CADPS2: variants seen among roughly 807,000 people sequenced by gnomAD.
CADPS2 encodes the protein calcium-dependent secretion activator 2.
In CADPS2, 93 loss-of-function variants were observed where a neutral mutation model predicts 172.5. The ratio of observed to expected loss-of-function variants is 0.54; its 90% CI spans 0.46 to 0.64. The LOEUF (loss-of-function observed/expected upper bound fraction) is 0.64. Among genes scored for constraint, CADPS2 ranks in the 30% least tolerant of loss-of-function variants. The pLI is 0.00. For synonymous variants in CADPS2, 546 were observed against 555.2 expected, an observed-to-expected ratio of 0.98 and a Z score of 0.23; for missense variants, 1,420 against 1,565.9, an observed-to-expected ratio of 0.91 and a Z score of 1.57.
chr7:122,523,022 G>A (rs984615257), intron 8 of CADPS2, among the ~76,000 whole-genome samples: 1 of 152,060 alleles, frequency 6.6e-6, no homozygotes, highest in Non-Finnish European at 1.5e-5. Context: ...ACAATGCTAC[G>A]ATAAACATGG....
intron 8 of CADPS2, among the ~76,000 whole-genome samples, chr7:122,534,249 A>T (rs1043435683): frequency 6.6e-6 from 1 of 152,076 alleles, no homozygotes; most frequent in Non-Finnish European, 1.5e-5. Context: ...TCTTACATTT[A>T]AACAATCAAA....
At chr7:122,823,701 CAG>C (rs1325727421) in intron 1 of CADPS2, among the ~76,000 whole-genome samples, 6 of 152,128 alleles carry the variant, frequency 3.9e-5, no homozygotes, top group African/African-American at 1.2e-4. Context: ...TTGCAAGTAA[CAG>C]AGACTTCACT....
chr7:122,627,829 C>G lies in CADPS2; in HGVS notation c.867+1419G>C, dbSNP rs2076224723. Reference sequence around the variant, plus strand: ...AGGTCTCAGAAAAGCAATTTCTTTTCCAGCCAGGCTCAATACAGGATAGGA... The same window carrying G: ...AGGTCTCAGAAAAGCAATTTCTTTTGCAGCCAGGCTCAATACAGGATAGGA... On this transcript the variant is annotated intron_variant, in intron 4 of 29. Coordinates refer to ENST00000449022, the MANE Select transcript of CADPS2 (RefSeq NM_017954.11). Among the ~76,000 whole-genome samples, 4 of 152,136 alleles carry G rather than the reference C, an allele frequency of 2.6e-5. No homozygotes were observed. In the South Asian group the frequency reaches 8.3e-4, roughly 31 times the overall value.
At chr7:122,331,714 A>G (rs2034985741) in intron 28 of CADPS2, among the ~76,000 whole-genome samples, 1 of 152,228 alleles carries the variant, frequency 6.6e-6, no homozygotes, top group Admixed American at 6.5e-5. Flanking sequence ...AGTGGGTGTA[A>G]TTATTCCCAT....
chr7:122,489,561 A>C (rs1252183101), intron 11 of CADPS2, among the ~76,000 whole-genome samples: 1 of 152,152 alleles, frequency 6.6e-6, no homozygotes, highest in Non-Finnish European at 1.5e-5. Context: ...GTAGCATTCA[A>C]AAAGTGACAT....
At chr7:122,732,320 A>G in intron 2 of CADPS2, among the ~76,000 whole-genome samples, 1 of 151,660 alleles carries the variant, frequency 6.6e-6, no homozygotes, top group African/African-American at 2.4e-5. Flanking sequence ...AACCACTATA[A>G]GAACAGACAG....
At chr7:122,842,301 G>A (rs1358916471) in intron 1 of CADPS2, among the ~76,000 whole-genome samples, 2 of 152,166 alleles carry the variant, frequency 1.3e-5, no homozygotes, top group African/African-American at 4.8e-5. Flanking sequence ...GGAGGAGGGT[G>A]GAAAATGGGT....
intron 1 of CADPS2, among the ~76,000 whole-genome samples, chr7:122,767,029 TA>T (rs1405568246): frequency 6.6e-6 from 1 of 152,162 alleles, no homozygotes; most frequent in Non-Finnish European, 1.5e-5. Flanking sequence ...ATTAAATACT[TA>T]ATACAAAAAT....
chr7:122,580,740 G>A (rs1047236163), intron 7 of CADPS2, among the ~76,000 whole-genome samples: 1 of 152,156 alleles, frequency 6.6e-6, no homozygotes, highest in Admixed American at 6.5e-5. Context: ...GAAAAGATAA[G>A]AGAGACAGAT....
chr7:122,640,488 C>CAG (rs2077500963), intron 3 of CADPS2, among the ~76,000 whole-genome samples: 3 of 141,552 alleles, frequency 2.1e-5, no homozygotes, highest in African/African-American at 7.6e-5. Context: ...CACACACACA[C>CAG]ACAGAGATAG....
chr7:122,859,612 C>A (rs570425924), intron 1 of CADPS2, among the ~76,000 whole-genome samples: 1 of 152,166 alleles, frequency 6.6e-6, no homozygotes, highest in Admixed American at 6.5e-5. Context: ...CATATGACTA[C>A]ACTATTATAG....
At chr7:122,752,313 T>C (rs1247590510) in intron 1 of CADPS2, among the ~76,000 whole-genome samples, 1 of 152,160 alleles carries the variant, frequency 6.6e-6, no homozygotes, top group African/African-American at 2.4e-5. Flanking sequence ...CAAAATTATC[T>C]CTATAGCAAA....
chr7:122,570,218 C>T (rs1222628101), intron 7 of CADPS2, among the ~76,000 whole-genome samples: 3 of 152,034 alleles, frequency 2.0e-5, no homozygotes, highest in East Asian at 1.9e-4. Context: ...AAAAAGTGGG[C>T]AAAGGAGATG....
At chr7:122,478,103 A>G (rs2152236615) in intron 12 of CADPS2, among the ~76,000 whole-genome samples, 1 of 152,306 alleles carries the variant, frequency 6.6e-6, no homozygotes, top group East Asian at 1.9e-4. Flanking sequence ...CACAGCCATC[A>G]TCTATATCAA....
chr7:122,333,829 G>C (rs1183329737), intron 28 of CADPS2, among the ~76,000 whole-genome samples: 2 of 151,816 alleles, frequency 1.3e-5, no homozygotes, highest in African/African-American at 4.8e-5. Flanking sequence ...GTCTGGCACA[G>C]AGCATGCATT....
intron 2 of CADPS2, among the ~76,000 whole-genome samples, chr7:122,720,140 G>A (rs1057462285): frequency 2.6e-5 from 4 of 151,974 alleles, no homozygotes; most frequent in South Asian, 2.1e-4. Context: ...CCAATAGAAC[G>A]TCATACTAAA....
At chr7:122,867,667 A>G (rs1369558682) in intron 1 of CADPS2, among the ~76,000 whole-genome samples, 1 of 152,190 alleles carries the variant, frequency 6.6e-6, no homozygotes, top group Non-Finnish European at 1.5e-5. Context: ...TGTAGCCCCC[A>G]GGATCAGCCC....
chr7:122,840,221 T>C lies in CADPS2; in HGVS notation c.339+45778A>G, dbSNP rs185048416. ...GCATGTTCTCACTCATAGGTGGGAA[T>C]TGAACAGTGAGAACACTTGGACACA... On this transcript the variant is annotated intron_variant, in intron 1 of 29. Coordinates refer to ENST00000449022, the MANE Select transcript of CADPS2 (RefSeq NM_017954.11). 1.3e-3 allele frequency among the ~76,000 whole-genome samples: 195 copies of C among 152,068 alleles called. 1 individual carries two copies. The Middle Eastern group carries it at 0.014, about 11-fold the overall frequency.
intron 14 of CADPS2, among the ~76,000 whole-genome samples, chr7:122,468,648 T>A (rs2055488304): frequency 6.6e-6 from 1 of 152,180 alleles, no homozygotes; most frequent in African/African-American, 2.4e-5. Context: ...CTTTTATGTA[T>A]GACAACTCTG....
Sources: gnomAD v4.1 joint callset for allele counts (sites outside exome capture counted in the v4.1 genomes callset) on GRCh38, gnomAD v4.1.1 for gene constraint, MANE v1.5 for transcripts, NCBI Gene and HGNC (gene_info 2026-07-23, HGNC 2026-07-21) for gene names.